TRIP12: variants seen among roughly 807,000 people sequenced by gnomAD.
TRIP12 encodes E3 ubiquitin-protein ligase TRIP12.
In TRIP12, 25 loss-of-function variants were observed where a neutral mutation model predicts 244.2. That is an observed-to-expected ratio of 0.10 (90% CI 0.07 to 0.14). TRIP12 has a LOEUF of 0.14. Among genes scored for constraint, TRIP12 ranks in the 10% least tolerant of loss-of-function variants. The pLI is 1.00. For missense variants in TRIP12, 1,677 were observed against 2,486.4 expected, an observed-to-expected ratio of 0.67 and a Z score of 6.92; for synonymous variants, 905 against 873.1, an observed-to-expected ratio of 1.04 and a Z score of -0.64.
In TRIP12 at chr2:229,827,339, T is replaced by A. The variant is rs555488641; in HGVS notation, c.1450+1854A>T. ...TTTAGTTTCCTGTAACTTTTTTACT[T>A]CATAAACTTTTGTTAACTATTTTGT... On this transcript the variant is annotated intron_variant, in intron 8 of 41. Coordinates refer to ENST00000675903, the MANE Select transcript of TRIP12 (RefSeq NM_001348323.3). 5.3e-5 allele frequency among the ~76,000 whole-genome samples: 8 copies of A among 152,140 alleles called. No individual in the cohort carries two copies. In the South Asian group the frequency reaches 1.5e-3, roughly 28 times the overall value.
intron 18 of TRIP12, 152 bp from the exon 19 acceptor site, chr2:229,804,379 A>G (rs1181995346): frequency 1.5e-6 from 1 of 656,962 alleles, no homozygotes; most frequent in Non-Finnish European, 2.5e-6. Flanking sequence ...GATATGATCA[A>G]CTAGGATTTA....
intron 8 of TRIP12, among the ~76,000 whole-genome samples, chr2:229,825,536 A>T (rs2051316163): frequency 6.6e-6 from 1 of 152,244 alleles, no homozygotes; most frequent in African/African-American, 2.4e-5. Flanking sequence ...GAAACTTACC[A>T]TCAGTGGAAG....
intron 20 of TRIP12, among the ~76,000 whole-genome samples, chr2:229,802,918 G>C (rs2044773943): frequency 6.6e-6 from 1 of 152,130 alleles, no homozygotes; most frequent in Admixed American, 6.5e-5. Context: ...TTGAAGGGTG[G>C]GAACTATCAC....
chr2:229,822,402 T>C (rs543345145), intron 8 of TRIP12, among the ~76,000 whole-genome samples: 9 of 152,316 alleles, frequency 5.9e-5, no homozygotes, highest in South Asian at 2.1e-4. Flanking sequence ...TGAGGAGACA[T>C]AGATTTGCAA....
chr2:229,829,103 A>G (rs1303864614), intron 8 of TRIP12, 90 bp downstream of exon 8: 8 of 1,193,304 alleles, frequency 6.7e-6, no homozygotes, highest in Non-Finnish European at 7.1e-6. Context: ...TTGATGAAAA[A>G]CTTCTTAATA....
At chr2:229,774,379 C>T (rs2035551156) in intron 37 of TRIP12, 118 bp from the exon 38 acceptor site, 1 of 968,688 alleles carries the variant, frequency 1.0e-6, no homozygotes, top group African/African-American at 1.7e-5. Context: ...ATGGGTTCAA[C>T]TCTTAGCCTC....
At chr2:229,834,703 T>G (rs1163532190) in intron 6 of TRIP12, among the ~76,000 whole-genome samples, 1 of 151,894 alleles carries the variant, frequency 6.6e-6, no homozygotes, top group Non-Finnish European at 1.5e-5. Flanking sequence ...GAGGCTGCAG[T>G]GAGCTGAGAT....
intron 2 of TRIP12, among the ~76,000 whole-genome samples, chr2:229,868,205 T>A (rs1187652159): frequency 6.6e-6 from 1 of 152,186 alleles, no homozygotes; most frequent in African/African-American, 2.4e-5. Context: ...TTACTTTCAT[T>A]CATTCATTCA....
intron 4 of TRIP12, among the ~76,000 whole-genome samples, chr2:229,849,839 A>G (rs2058306239): frequency 6.6e-6 from 1 of 152,126 alleles, no homozygotes; most frequent in Admixed American, 6.5e-5. Context: ...ATCTTCTTGA[A>G]GAAGAAGAAA....
chr2:229,849,935 CA>C (rs34774134), intron 4 of TRIP12, among the ~76,000 whole-genome samples: 4,752 of 143,698 alleles, frequency 0.033, 246 homozygotes, highest in African/African-American at 0.11. Context: ...TAATACACAC[CA>C]AAAAAAAAAA....
At chr2:229,890,733 T>C (rs2067143256) in intron 1 of TRIP12, among the ~76,000 whole-genome samples, 1 of 152,208 alleles carries the variant, frequency 6.6e-6, no homozygotes, top group Non-Finnish European at 1.5e-5. Context: ...TCATTTAGAA[T>C]GTCTCGAATA....
intron 1 of TRIP12, among the ~76,000 whole-genome samples, chr2:229,909,578 G>A (rs895711123): frequency 3.3e-5 from 5 of 151,080 alleles, no homozygotes; most frequent in Admixed American, 2.0e-4. Context: ...AAAAAGCCTG[G>A]TACAGTGGCT....
At chr2:229,843,553 G>A (rs2056956663) in intron 4 of TRIP12, among the ~76,000 whole-genome samples, 1 of 152,004 alleles carries the variant, frequency 6.6e-6, no homozygotes, top group Admixed American at 6.6e-5. Flanking sequence ...CGCAGATCTT[G>A]TCCTCACAAG....
intron 5 of TRIP12, 137 bp downstream of exon 5, chr2:229,840,683 CAA>C (rs2056190392): frequency 1.6e-6 from 1 of 628,466 alleles, no homozygotes; most frequent in African/African-American, 1.9e-5. Flanking sequence ...GCCTGGGTGA[CAA>C]GAGCAAGACT....
chr2:229,783,935 A>G (rs749325737), intron 34 of TRIP12, among the ~76,000 whole-genome samples: 1 of 151,766 alleles, frequency 6.6e-6, no homozygotes, highest in Non-Finnish European at 1.5e-5. Context: ...ACATGCAGAA[A>G]CCCTGTCTCT....
chr2:229,791,399 TAGAAG>T (rs1375990858), intron 29 of TRIP12, 148 bp from the exon 30 acceptor site: 1 of 980,112 alleles, frequency 1.0e-6, no homozygotes, highest in Admixed American at 2.7e-5. Context: ...GAGAACTTCT[TAGAAG>T]AGATCACCTA....
chr2:229,777,487 G>A lies in TRIP12; in HGVS notation c.5365-8C>T, dbSNP rs1002897529. ...GCCAAGGGGAAGGTCCACCTGAAAT[G>A]GAATATGCATAATATTTTCACTGTC... is the stretch of plus-strand genomic sequence containing the variant. On this transcript the variant is annotated splice_polypyrimidine_tract_variant and splice_region_variant and intron_variant, in intron 36 of 41. Coordinates refer to ENST00000675903, the MANE Select transcript of TRIP12 (RefSeq NM_001348323.3). 10 of 1,613,260 alleles carry A rather than the reference G, an allele frequency of 6.2e-6. No homozygotes were observed. The highest frequency in any genetic ancestry group is 2.7e-5 in the African/African-American group (2 of 74,880).
chr2:229,848,628 C>T (rs569790896), intron 4 of TRIP12, among the ~76,000 whole-genome samples: 1 of 152,144 alleles, frequency 6.6e-6, no homozygotes, highest in South Asian at 2.1e-4. Flanking sequence ...AAAGAGAAAA[C>T]AAACAAGTAC....
chr2:229,810,313 T>A (rs57516353), intron 15 of TRIP12, among the ~76,000 whole-genome samples: 28 of 152,200 alleles, frequency 1.8e-4, no homozygotes, highest in African/African-American at 6.8e-4. Context: ...TGCAAGAGCA[T>A]TGCAATAAAA....
Sources: gnomAD v4.1 joint callset for allele counts (sites outside exome capture counted in the v4.1 genomes callset) on GRCh38, gnomAD v4.1.1 for gene constraint, MANE v1.5 for transcripts, NCBI Gene and HGNC (gene_info 2026-07-23, HGNC 2026-07-21) for gene names.